The following NUP98 variants were observed in gnomAD, a reference collection of about 807,000 sequenced individuals.
The protein encoded by NUP98 is nuclear pore complex protein Nup98-Nup96.
In NUP98, 26 loss-of-function variants were observed where a neutral mutation model predicts 191.9. The ratio of observed to expected loss-of-function variants is 0.14; its 90% CI spans 0.10 to 0.19. NUP98 has a LOEUF of 0.19. Ranked by LOEUF, NUP98 falls within the 10% of genes least tolerant of loss-of-function variation. NUP98 has a pLI of 1.00. For missense variants in NUP98, 1,941 were observed against 2,178.8 expected, an observed-to-expected ratio of 0.89 and a Z score of 2.17; for synonymous variants, 808 against 778.4, an observed-to-expected ratio of 1.04 and a Z score of -0.63.
At chr11:3,787,604 A>G (rs1363030425) in intron 1 of NUP98, among the ~76,000 whole-genome samples, 2 of 151,978 alleles carry the variant, frequency 1.3e-5, no homozygotes, top group African/African-American at 2.4e-5. Context: ...TACCCTCTCT[A>G]AAAATCGTAT....
At chr11:3,715,429 G>A (rs574303293) in intron 18 of NUP98, among the ~76,000 whole-genome samples, 5 of 151,670 alleles carry the variant, frequency 3.3e-5, no homozygotes, top group African/African-American at 7.3e-5. Context: ...CACCACGCCC[G>A]GCCATTTTTT....
intron 5 of NUP98, 121 bp downstream of exon 5, chr11:3,775,761 T>C (rs1420658424): frequency 1.2e-6 from 1 of 857,420 alleles, no homozygotes; most frequent in African/African-American, 1.7e-5. Flanking sequence ...ATTTTGTTTT[T>C]AACACATCGT....
chr11:3,797,393 G>T lies in NUP98; in HGVS notation c.-29+7C>A. On this transcript the variant is annotated splice_region_variant and intron_variant, in intron 1 of 32. Transcript: ENST00000324932. Reference sequence around the variant, plus strand: ...CTCGGCCGCTGCAGCTCGGGCTCCCGACTTACCGCGGTTCGGTGGGGAAGG... The same window carrying T: ...CTCGGCCGCTGCAGCTCGGGCTCCCTACTTACCGCGGTTCGGTGGGGAAGG... 2.5e-6 allele frequency: 1 copy of T among 402,984 alleles called. No individual in the cohort carries two copies. The highest frequency in any genetic ancestry group is 1.1e-4 in the South Asian group (1 of 9,356). The allele number at this position is 402,984 out of a possible 1,614,324, so 25.0% of individuals were successfully genotyped here. A position where few individuals can be genotyped will look rare whatever the true frequency, so the allele number is the denominator to read the frequency against.
chr11:3,787,495 G>C (rs968514875), intron 1 of NUP98, among the ~76,000 whole-genome samples: 6 of 151,952 alleles, frequency 3.9e-5, no homozygotes, highest in Non-Finnish European at 5.9e-5. Flanking sequence ...AGGCAGGAGA[G>C]TCGCTCGAAC....
chr11:3,756,369 G>A (rs1050756895), intron 10 of NUP98, among the ~76,000 whole-genome samples: 6 of 151,890 alleles, frequency 4.0e-5, no homozygotes, highest in Admixed American at 2.6e-4. Flanking sequence ...ATTCAAATTC[G>A]GCACACAAGT....
chr11:3,731,632 T>C lies in NUP98; in HGVS notation c.1543-54A>G, dbSNP rs2079857661. 4.8e-6 allele frequency: 6 copies of C among 1,249,436 alleles called. No individual in the cohort carries two copies. In the Middle Eastern group the frequency reaches 1.2e-3, roughly 247 times the overall value. The allele number at this position is 1,249,436 out of a possible 1,614,324, so 77.4% of individuals were successfully genotyped here. ...TTGGTTTACTTTAAATGTACTGCAC[T>C]GGCCTTAAAAATCACAAGACCAGAT... On this transcript the variant is annotated intron_variant, in intron 13 of 32. Transcript: ENST00000324932.
chr11:3,690,284 G>A (rs1423801778), intron 28 of NUP98, among the ~76,000 whole-genome samples: 1 of 150,166 alleles, frequency 6.7e-6, no homozygotes, highest in African/African-American at 2.4e-5. Context: ...TTTTGAGACA[G>A]AGTCTTGCTG....
intron 12 of NUP98, 127 bp downstream of exon 12, chr11:3,744,382 C>A (rs1316490728): frequency 7.6e-6 from 7 of 918,402 alleles, no homozygotes; most frequent in South Asian, 2.4e-5. Context: ...TCTTTACTAC[C>A]CAATTGTTTA....
chr11:3,795,130 A>G (rs1388076504), intron 1 of NUP98, among the ~76,000 whole-genome samples: 1 of 152,226 alleles, frequency 6.6e-6, no homozygotes, highest in Non-Finnish European at 1.5e-5. Context: ...TTAGTTATCT[A>G]GGACCTAGTA....
At chr11:3,783,827 G>C (rs984737912) in intron 1 of NUP98, among the ~76,000 whole-genome samples, 2 of 151,840 alleles carry the variant, frequency 1.3e-5, no homozygotes, top group Non-Finnish European at 2.9e-5. Flanking sequence ...AGAAAAGTTT[G>C]GTTCCCCCTG....
At chr11:3,694,126 C>T (rs2078418299) in intron 26 of NUP98, among the ~76,000 whole-genome samples, 2 of 150,672 alleles carry the variant, frequency 1.3e-5, no homozygotes, top group Admixed American at 6.6e-5. Flanking sequence ...AATACCAGCA[C>T]TTTGGGAGGC....
At chr11:3,720,975 AGTGT>A (rs55984201) in intron 16 of NUP98, 150 bp from the exon 17 acceptor site, 25,465 of 318,772 alleles carry the variant, frequency 0.08, 628 homozygotes, top group East Asian at 0.23. Context: ...GGGGTGTGTG[AGTGT>A]GTGTGTGTGT....
Position 3,757,815 on chromosome 11 carries a change from AAATAATATTTAATTTTGAAC to A in NUP98, c.1174+2704_1174+2723del, listed in dbSNP as rs370539117. ...ACTCCGTCTCAAAAAGAAAGAAAAGAAATAATATTTAATTTTGAACATGAAGCATGCTACAAAAAAAAGAG... is the reference window on the plus strand; with the variant it reads ...ACTCCGTCTCAAAAAGAAAGAAAAGAATGAAGCATGCTACAAAAAAAAGAG... On this transcript the variant is annotated intron_variant, in intron 10 of 32. Coordinates refer to ENST00000324932, the MANE Select transcript of NUP98 (RefSeq NM_016320.5). Among the ~76,000 whole-genome samples, 747 of 152,272 alleles carry A rather than the reference AAATAATATTTAATTTTGAAC, an allele frequency of 4.9e-3. 10 individuals carry two copies. The highest frequency in any genetic ancestry group is 0.017 in the African/African-American group (691 of 41,554).
At chr11:3,699,855 G>A (rs555894983) in intron 24 of NUP98, among the ~76,000 whole-genome samples, 2 of 152,230 alleles carry the variant, frequency 1.3e-5, no homozygotes, top group South Asian at 2.1e-4. Context: ...TTCAATAAAC[G>A]TGATTTGCTA....
At chr11:3,763,691 A>AG (rs895065524) in intron 8 of NUP98, among the ~76,000 whole-genome samples, 2 of 152,150 alleles carry the variant, frequency 1.3e-5, no homozygotes, top group African/African-American at 4.8e-5. Flanking sequence ...TGGGACTACA[A>AG]GGGCACGCCA....
chr11:3,784,630 CGAAG>C (rs2082082944), intron 1 of NUP98, among the ~76,000 whole-genome samples: 2 of 149,366 alleles, frequency 1.3e-5, no homozygotes, highest in Admixed American at 6.7e-5. Flanking sequence ...CACACCTGTA[CGAAG>C]CTCCAGCTAC....
At chr11:3,774,103 TA>T (rs2081620278) in intron 5 of NUP98, among the ~76,000 whole-genome samples, 1 of 152,048 alleles carries the variant, frequency 6.6e-6, no homozygotes. Context: ...AATGCTGCAT[TA>T]AAAAAATACG....
At chr11:3,725,538 T>A (rs1346543845) in intron 14 of NUP98, among the ~76,000 whole-genome samples, 1 of 152,226 alleles carries the variant, frequency 6.6e-6, no homozygotes, top group Non-Finnish European at 1.5e-5. Flanking sequence ...CATCACACTA[T>A]GTTTGTATTT....
intron 21 of NUP98, 124 bp from the exon 22 acceptor site, chr11:3,705,480 TA>T (rs1403694621): frequency 3.5e-6 from 3 of 863,590 alleles, no homozygotes; most frequent in Non-Finnish European, 5.4e-6. Flanking sequence ...AGAGCTAGTA[TA>T]TTTGTGTGAT....
Sources: gnomAD v4.1 joint callset for allele counts (sites outside exome capture counted in the v4.1 genomes callset) on GRCh38, gnomAD v4.1.1 for gene constraint, MANE v1.5 for transcripts, NCBI Gene and HGNC (gene_info 2026-07-23, HGNC 2026-07-21) for gene names.